LGI1: variants seen among roughly 807,000 people sequenced by gnomAD.
LGI1 encodes leucine-rich glioma-inactivated protein 1.
Under a neutral mutation model 57.7 loss-of-function variants are expected in LGI1, and 11 were observed. The ratio of observed to expected loss-of-function variants is 0.19; its 90% CI spans 0.12 to 0.32. The LOEUF (loss-of-function observed/expected upper bound fraction) is 0.32. LGI1 is among the 10% of genes least tolerant of loss of function. LGI1 has a pLI of 1.00. For missense variants in LGI1, 422 were observed against 661.9 expected, an observed-to-expected ratio of 0.64 and a Z score of 3.98; for synonymous variants, 222 against 241.9, an observed-to-expected ratio of 0.92 and a Z score of 0.76.
Position 93,796,903 on chromosome 10 carries a change from C to A in LGI1, c.839-65C>A, listed in dbSNP as rs2059984835. On this transcript the variant is annotated intron_variant, in intron 7 of 7. Coordinates refer to ENST00000371418, the MANE Select transcript of LGI1 (RefSeq NM_005097.4). Reference sequence around the variant, plus strand: ...TGGGTGGAAGTTGTATGGCCCCAGCCCGCATGTTTACATGCTCCAAAAGAG... The same window carrying A: ...TGGGTGGAAGTTGTATGGCCCCAGCACGCATGTTTACATGCTCCAAAAGAG... 3 of 1,301,882 alleles carry A rather than the reference C, an allele frequency of 2.3e-6. No individual in the cohort carries two copies. In the Admixed American group the frequency reaches 5.0e-5, roughly 22 times the overall value. 80.6% of individuals were successfully genotyped at this position (1,301,882 alleles called of 1,614,324 possible).
intron 4 of LGI1, among the ~76,000 whole-genome samples, chr10:93,784,859 G>C (rs2059882618): frequency 1.3e-5 from 2 of 152,126 alleles, no homozygotes; most frequent in Admixed American, 1.3e-4. Context: ...GGAAAGAGAA[G>C]GACTAGACAC....
chr10:93,783,969 G>A (rs937721463), intron 4 of LGI1, among the ~76,000 whole-genome samples: 7 of 152,114 alleles, frequency 4.6e-5, no homozygotes, highest in South Asian at 4.1e-4. Flanking sequence ...CCGAGATAGC[G>A]CCACTGCATT....
At chr10:93,789,385 G>C (rs1320760785) in intron 4 of LGI1, 2 of 152,632 alleles carry the variant, frequency 1.3e-5, no homozygotes, top group Admixed American at 1.3e-4. Flanking sequence ...TTGCTCTCCG[G>C]AGCAAGCGAG....
Position 93,797,894 on chromosome 10 carries a change from C to G in LGI1, c.*91C>G. On this transcript the variant is annotated 3_prime_UTR_variant, in exon 8 of 8. Transcript: ENST00000371418. This position sits in a 1 kb window ranked among gnomAD's most constrained non-coding sequence, Gnocchi z 6.5. The stretch of plus-strand genomic sequence containing the variant: ...ATGATGACTCTTCTTATCACACTTG[C>G]AAATGAATGCCTTTCAAACATTGAG... 1.1e-6 allele frequency: 1 copy of G among 876,550 alleles called. No individual in the cohort carries two copies. The highest frequency in any genetic ancestry group is 1.3e-5 in the South Asian group (1 of 75,078). 54.3% of individuals were successfully genotyped at this position (876,550 alleles called of 1,614,324 possible). A position where few individuals can be genotyped will look rare whatever the true frequency, so the allele number is the denominator to read the frequency against.
At chr10:93,770,861 T>C (rs1054926155) in intron 2 of LGI1, 12 of 152,138 alleles carry the variant, frequency 7.9e-5, no homozygotes, top group African/African-American at 2.9e-4. Flanking sequence ...AATACGCAAT[T>C]TTAAAAGATG....
intron 5 of LGI1, chr10:93,792,402 C>A (rs1589772535): frequency 2.0e-5 from 5 of 248,792 alleles, no homozygotes; most frequent in Middle Eastern, 2.8e-3. Context: ...ATGAATTATA[C>A]CTGCTTCTTT....
chr10:93,772,284 A>T (rs971450954), intron 2 of LGI1, among the ~76,000 whole-genome samples: 1 of 152,192 alleles, frequency 6.6e-6, no homozygotes, highest in African/African-American at 2.4e-5. Context: ...TCAGAGTTGG[A>T]CATGTAATTT....
At chr10:93,775,133 A>G (rs1194841306) in intron 2 of LGI1, among the ~76,000 whole-genome samples, 2 of 152,192 alleles carry the variant, frequency 1.3e-5, no homozygotes, top group African/African-American at 4.8e-5. Flanking sequence ...GTACATCTCA[A>G]TGACTTTTTA....
intron 4 of LGI1, among the ~76,000 whole-genome samples, chr10:93,783,330 C>A (rs545325090): frequency 3.9e-5 from 6 of 152,192 alleles, no homozygotes; most frequent in South Asian, 2.1e-4. Context: ...GAGCCGAGAT[C>A]GCGCCACTGC....
intron 4 of LGI1, among the ~76,000 whole-genome samples, chr10:93,783,371 G>T (rs111545888): frequency 6.6e-6 from 1 of 152,086 alleles, no homozygotes; most frequent in Non-Finnish European, 1.5e-5. Flanking sequence ...GCGAGACTCC[G>T]TCTCCAATAA....
chr10:93,770,578 G>A (rs58308282), intron 2 of LGI1: 11,116 of 152,124 alleles, frequency 0.073, 904 homozygotes, highest in African/African-American at 0.2. Flanking sequence ...CTACTTTTCC[G>A]TTCCTTTTGA....
chr10:93,758,627 T>C lies in LGI1; in HGVS notation c.216-133T>C, dbSNP rs2059589926. 5.6e-5 allele frequency: 41 copies of C among 732,364 alleles called. No individual in the cohort carries two copies. The South Asian group carries it at 6.4e-4, about 11-fold the overall frequency. 45.4% of individuals were successfully genotyped at this position (732,364 alleles called of 1,614,324 possible). A position where few individuals can be genotyped will look rare whatever the true frequency, so the allele number is the denominator to read the frequency against. On this transcript the variant is annotated intron_variant, in intron 1 of 7. Transcript: ENST00000371418. This position sits in a 1 kb window ranked among gnomAD's most constrained non-coding sequence, Gnocchi z 4.7. The stretch of plus-strand genomic sequence containing the variant: ...TCTTACTTCATCTGGGAAGGAATAG[T>C]ATCGTACTTCATAAAATAGTGTCAA...
intron 4 of LGI1, among the ~76,000 whole-genome samples, chr10:93,778,587 T>C (rs2059817771): frequency 6.6e-6 from 1 of 152,218 alleles, no homozygotes; most frequent in Non-Finnish European, 1.5e-5. Context: ...GATATATGCC[T>C]CGTGAGCTGA....
At chr10:93,790,261 C>A in intron 5 of LGI1, 91 bp downstream of exon 5, 1 of 1,133,860 alleles carries the variant, frequency 8.8e-7, no homozygotes, top group Admixed American at 2.5e-5. Flanking sequence ...TTTTAATTGG[C>A]TTTTAAATTA....
intron 2 of LGI1, among the ~76,000 whole-genome samples, chr10:93,760,179 C>T (rs971212374): frequency 6.6e-6 from 1 of 152,184 alleles, no homozygotes; most frequent in Non-Finnish European, 1.5e-5. Context: ...GGCTAATGCC[C>T]TTCTACTGGC....
intron 5 of LGI1, chr10:93,791,895 T>C (rs1410568753): frequency 2.0e-5 from 3 of 152,232 alleles, no homozygotes; most frequent in South Asian, 2.1e-4. Context: ...GGATTAATTA[T>C]GTCTGTGAGG....
At chr10:93,776,543 C>T (rs9651443) in intron 2 of LGI1, among the ~76,000 whole-genome samples, 5,207 of 152,060 alleles carry the variant, frequency 0.034, 312 homozygotes, top group African/African-American at 0.12. Flanking sequence ...ATATTTAATC[C>T]CTGGCTTCAG....
At chr10:93,796,805 A>C (rs1247848728) in intron 7 of LGI1, among the ~76,000 whole-genome samples, 163 bp from the exon 8 acceptor site, 1 of 152,204 alleles carries the variant, frequency 6.6e-6, no homozygotes, top group East Asian at 1.9e-4. Flanking sequence ...GAACTTTAGG[A>C]CACTGCTGCC....
intron 4 of LGI1, among the ~76,000 whole-genome samples, chr10:93,786,985 T>C (rs1355806667): frequency 6.6e-6 from 1 of 152,212 alleles, no homozygotes; most frequent in Non-Finnish European, 1.5e-5. Context: ...GCCTACTTTC[T>C]TTTTATCTAA....
Sources: allele counts gnomAD v4.1 joint callset (sites outside exome capture counted in the v4.1 genomes callset), GRCh38; gene constraint gnomAD v4.1.1; non-coding constraint Gnocchi (gnomAD v3.1); transcripts MANE v1.5; gene names NCBI Gene and HGNC (gene_info 2026-07-23, HGNC 2026-07-21).